FHIT: variants seen among roughly 807,000 people sequenced by gnomAD.
FHIT encodes the protein bis(5'-adenosyl)-triphosphatase.
Under a neutral mutation model 17.9 loss-of-function variants are expected in FHIT, and 19 were observed. The ratio of observed to expected loss-of-function variants is 1.06; its 90% CI spans 0.74 to 1.56. The LOEUF (loss-of-function observed/expected upper bound fraction) is 1.56. Ranked by LOEUF, FHIT falls within the 40% of genes most tolerant of loss-of-function variation. The pLI is 0.00. For synonymous variants in FHIT, 81 were observed against 69.7 expected (o/e 1.16, Z -0.81); for missense variants, 248 against 189.2 (o/e 1.31, Z -1.82).
intron 4 of FHIT, among the ~76,000 whole-genome samples, chr3:60,563,396 C>A (rs2037022943): frequency 6.6e-6 from 1 of 152,170 alleles, no homozygotes; most frequent in East Asian, 1.9e-4. Context: ...CAACTAATAA[C>A]CCTACAATCG....
intron 4 of FHIT, among the ~76,000 whole-genome samples, chr3:60,670,638 G>C (rs2040484669): frequency 6.6e-6 from 1 of 152,298 alleles, no homozygotes; most frequent in East Asian, 1.9e-4. Context: ...GCACTTTGTA[G>C]GGGTGTAATC....
chr3:59,754,711 T>C (rs1260024188), intron 8 of FHIT, among the ~76,000 whole-genome samples: 1 of 152,238 alleles, frequency 6.6e-6, no homozygotes, highest in Non-Finnish European at 1.5e-5. Flanking sequence ...GTTATTGTCA[T>C]ATGCCTTACA....
chr3:59,803,905 G>A lies in FHIT; in HGVS notation c.349-51584C>T, dbSNP rs71313731. ...ATGTAGATGCTCGGTAGCAATGAAT[G>A]TATTAGGTTGGTGCAAAAGTAATAG... On this transcript the variant is annotated intron_variant, in intron 8 of 9. Coordinates refer to ENST00000492590, the MANE Select transcript of FHIT (RefSeq NM_002012.4). Among the ~76,000 whole-genome samples the A allele has an allele frequency of 3.9e-3, 596 of 152,090 alleles. 3 individuals carry two copies. The highest frequency in any genetic ancestry group is 7.9e-3 in the Admixed American group (121 of 15,282).
At position 60,167,777 on chromosome 3, in the gene FHIT, G is replaced by C. The variant is rs936223866; in HGVS notation, c.104-153625C>G. Among the ~76,000 whole-genome samples, 4 of 152,204 alleles carry C rather than the reference G, an allele frequency of 2.6e-5. No individual in the cohort carries two copies. In the East Asian group the frequency reaches 7.7e-4, roughly 29 times the overall value. The stretch of plus-strand genomic sequence containing the variant: ...TGGCAGGGCGTAGTGGCTCATGCCT[G>C]TAATCCCAGCACTTTGGGAGGCTAA... On this transcript the variant is annotated intron_variant, in intron 5 of 9. Coordinates refer to ENST00000492590, the MANE Select transcript of FHIT (RefSeq NM_002012.4).
At chr3:60,622,367 AT>A (rs529690293) in intron 4 of FHIT, among the ~76,000 whole-genome samples, 162 of 150,020 alleles carry the variant, frequency 1.1e-3, no homozygotes, top group East Asian at 3.7e-3. Context: ...ACAAATCTAG[AT>A]TTTTTTTTTT....
intron 4 of FHIT, among the ~76,000 whole-genome samples, chr3:60,782,271 A>G (rs1372552077): frequency 1.3e-5 from 2 of 150,346 alleles, no homozygotes; most frequent in African/African-American, 2.5e-5. Context: ...TTCTTTATCC[A>G]TTTCATCTCA....
intron 5 of FHIT, among the ~76,000 whole-genome samples, chr3:60,497,228 T>C (rs2034337323): frequency 1.3e-5 from 2 of 151,916 alleles, no homozygotes; most frequent in South Asian, 4.1e-4. Flanking sequence ...ATGGCAATGG[T>C]TACAAGGTTG....
chr3:60,132,346 C>G (rs1007906998), intron 5 of FHIT, among the ~76,000 whole-genome samples: 18 of 152,128 alleles, frequency 1.2e-4, no homozygotes, highest in Non-Finnish European at 4.4e-5. Context: ...GAGCTTGGCT[C>G]AGGTTAGATG....
intron 8 of FHIT, among the ~76,000 whole-genome samples, chr3:59,889,286 G>C (rs1440225888): frequency 2.6e-5 from 4 of 152,174 alleles, no homozygotes; most frequent in Admixed American, 1.3e-4. Flanking sequence ...CATACTGTCT[G>C]ACATCCATCC....
At chr3:61,212,837 A>T (rs1191475237) in intron 1 of FHIT, among the ~76,000 whole-genome samples, 2 of 152,078 alleles carry the variant, frequency 1.3e-5, no homozygotes, top group African/African-American at 4.8e-5. Context: ...AAGAGAGTGG[A>T]GGAGGCCCAT....
intron 5 of FHIT, among the ~76,000 whole-genome samples, chr3:60,062,945 G>C (rs1702352657): frequency 6.6e-6 from 1 of 152,114 alleles, no homozygotes; most frequent in African/African-American, 2.4e-5. Context: ...AAGTGAAAAG[G>C]GATGGAGGAG....
At chr3:60,952,179 C>CCCA (rs1491234247) in intron 3 of FHIT, among the ~76,000 whole-genome samples, 5 of 103,358 alleles carry the variant, frequency 4.8e-5, no homozygotes, top group African/African-American at 1.7e-4. Flanking sequence ...ACCCCCCCCC[C>CCCA]AAAAAAAAAA....
intron 2 of FHIT, among the ~76,000 whole-genome samples, chr3:61,108,230 A>G (rs1042686479): frequency 6.6e-6 from 1 of 152,222 alleles, no homozygotes. Context: ...TCACTAACCC[A>G]TACAGCTACA....
chr3:60,144,330 C>T (rs562400480), intron 5 of FHIT, among the ~76,000 whole-genome samples: 31 of 152,300 alleles, frequency 2.0e-4, no homozygotes, highest in African/African-American at 7.2e-4. Flanking sequence ...CACTAAGCAT[C>T]AATTATTTCA....
chr3:60,864,849 C>G (rs1335139581), intron 3 of FHIT, among the ~76,000 whole-genome samples: 1 of 151,876 alleles, frequency 6.6e-6, no homozygotes, highest in Non-Finnish European at 1.5e-5. Flanking sequence ...AGAAAACACC[C>G]TTTGAAAATG....
chr3:60,113,909 G>A (rs1244240551), intron 5 of FHIT, among the ~76,000 whole-genome samples: 1 of 144,530 alleles, frequency 6.9e-6, no homozygotes, highest in African/African-American at 2.6e-5. Context: ...GGCTGAGGCA[G>A]GAGAATGGCG....
rs747788765 is a variant in FHIT, at chr3:59,752,252, C to A, written c.418G>T (p.Ala140Ser). 1.2e-6 allele frequency: 2 copies of A among 1,612,890 alleles called. No individual in the cohort carries two copies. The highest frequency in any genetic ancestry group is 2.2e-5 in the South Asian group (2 of 91,028). Reference protein sequence around the residue: ...RSEEEMAAEAAALRVYFQ With the variant: ...RSEEEMAAEASALRVYFQ ...CACTGAAAGTAGACCCGCAGAGCTGCGGCTTCTGCTGCCATTTCCTCCTCT... is the reference window on the plus strand; with the variant it reads ...CACTGAAAGTAGACCCGCAGAGCTGAGGCTTCTGCTGCCATTTCCTCCTCT... The change falls in exon 9 of 10, where the codon GCA becomes TCA. Residue 140 changes from alanine to serine, a missense_variant. By Grantham distance (99) the Ala-to-Ser change is moderately conservative. Transcript: ENST00000492590.
chr3:60,441,816 C>A (rs1396436215), intron 5 of FHIT, among the ~76,000 whole-genome samples: 1 of 89,510 alleles, frequency 1.1e-5, no homozygotes, highest in Non-Finnish European at 2.1e-5. Flanking sequence ...ATATATATAT[C>A]AGGTCATTTT....
chr3:60,487,295 G>A (rs1297347375), intron 5 of FHIT, among the ~76,000 whole-genome samples: 1 of 152,174 alleles, frequency 6.6e-6, no homozygotes, highest in African/African-American at 2.4e-5. Flanking sequence ...ACACTGAGCA[G>A]CTCTAGGAAG....
Sources: gnomAD v4.1 joint callset for allele counts (sites outside exome capture counted in the v4.1 genomes callset) on GRCh38, gnomAD v4.1.1 for gene constraint, MANE v1.5 for transcripts, NCBI Gene and HGNC (gene_info 2026-07-23, HGNC 2026-07-21) for gene names.